EPB41L4A: variants seen among roughly 807,000 people sequenced by gnomAD.
The protein encoded by EPB41L4A is erythrocyte membrane protein band 4.1 like 4A.
Under a neutral mutation model 108.6 loss-of-function variants are expected in EPB41L4A, and 100 were observed. The observed-to-expected ratio is 0.92, with a 90% confidence interval of 0.78 to 1.09. The LOEUF (loss-of-function observed/expected upper bound fraction) is 1.09. Ranked by LOEUF, EPB41L4A falls within the 50% of genes least tolerant of loss-of-function variation. EPB41L4A has a pLI of 0.00. For synonymous variants in EPB41L4A, 319 were observed against 289.0 expected (o/e 1.10, Z -1.05); for missense variants, 1,030 against 842.7 (o/e 1.22, Z -2.75).
intron 12 of EPB41L4A, among the ~76,000 whole-genome samples, chr5:112,231,790 T>TC (rs1748961999): frequency 4.1e-5 from 1 of 24,110 alleles, no homozygotes; most frequent in Non-Finnish European, 8.4e-5. Context: ...AGACTCCGTC[T>TC]CAAAAAAAAA....
intron 1 of EPB41L4A, among the ~76,000 whole-genome samples, chr5:112,384,963 G>A (rs1424668130): frequency 6.6e-6 from 1 of 152,202 alleles, no homozygotes; most frequent in African/African-American, 2.4e-5. Flanking sequence ...CCTGATCACT[G>A]CACAAGCAAT....
chr5:112,401,237 T>C (rs936816309), intron 1 of EPB41L4A, among the ~76,000 whole-genome samples: 4 of 152,146 alleles, frequency 2.6e-5, no homozygotes, highest in African/African-American at 9.7e-5. Context: ...CCACAGACAC[T>C]ACCTCCAGGC....
At chr5:112,205,886 A>G (rs530316473) in intron 13 of EPB41L4A, 1 of 193,878 alleles carries the variant, frequency 5.2e-6, no homozygotes, top group East Asian at 1.7e-4. Context: ...CCTTTTTACA[A>G]CAGTGATCAG....
chr5:112,333,618 C>T (rs958332079), intron 1 of EPB41L4A, among the ~76,000 whole-genome samples: 3 of 152,110 alleles, frequency 2.0e-5, no homozygotes, highest in Non-Finnish European at 2.9e-5. Context: ...CTGTTTTCTC[C>T]CCCACTCTCT....
chr5:112,326,160 T>A (rs534931131), intron 1 of EPB41L4A, among the ~76,000 whole-genome samples: 43 of 151,972 alleles, frequency 2.8e-4, no homozygotes, highest in South Asian at 1.9e-3. Flanking sequence ...TTAAAAAAAA[T>A]TTTTTTTAAA....
At position 112,239,638 on chromosome 5, in the gene EPB41L4A, C is replaced by T. The variant is rs577886323; in HGVS notation, c.965+22G>A. The T allele has an allele frequency of 3.0e-5, 45 of 1,520,616 alleles. No homozygotes were observed. In the South Asian group the frequency reaches 5.1e-4, roughly 17 times the overall value. 94.2% of individuals were successfully genotyped at this position (1,520,616 alleles called of 1,614,324 possible). On this transcript the variant is annotated intron_variant, in intron 11 of 22. Transcript: ENST00000261486. ...GTATTTATTTACAAACACATCCCCCCAAGGAAAAAAATGTCATTTACCTGT... is the reference window on the plus strand; with the variant it reads ...GTATTTATTTACAAACACATCCCCCTAAGGAAAAAAATGTCATTTACCTGT...
At chr5:112,278,162 C>G (rs974339015) in intron 3 of EPB41L4A, among the ~76,000 whole-genome samples, 6 of 152,092 alleles carry the variant, frequency 3.9e-5, no homozygotes, top group Admixed American at 2.0e-4. Flanking sequence ...CCTTCACTAT[C>G]AAATAATTTC....
chr5:112,417,688 G>C (rs1037959914), intron 1 of EPB41L4A, among the ~76,000 whole-genome samples: 1 of 152,174 alleles, frequency 6.6e-6, no homozygotes, highest in Non-Finnish European at 1.5e-5. Flanking sequence ...AATACCGAAT[G>C]AGAATCGAAC....
chr5:112,231,750 AGT>A, intron 12 of EPB41L4A, among the ~76,000 whole-genome samples: 1 of 129,632 alleles, frequency 7.7e-6, no homozygotes, highest in African/African-American at 2.8e-5. Context: ...GCGCCACTGC[AGT>A]CCGCAGTCCG....
intron 12 of EPB41L4A, among the ~76,000 whole-genome samples, chr5:112,152,221 A>G (rs1034600982): frequency 6.6e-6 from 1 of 152,216 alleles, no homozygotes; most frequent in Non-Finnish European, 1.5e-5. Flanking sequence ...GAAGAAAGAG[A>G]GATGAAATGG....
At chr5:112,407,276 C>T (rs138763486) in intron 1 of EPB41L4A, among the ~76,000 whole-genome samples, 72 of 152,250 alleles carry the variant, frequency 4.7e-4, no homozygotes, top group African/African-American at 1.7e-3. Context: ...CCAGAAAAGA[C>T]TGTAAAGCTT....
intron 1 of EPB41L4A, among the ~76,000 whole-genome samples, chr5:112,380,806 C>G (rs1760127609): frequency 1.3e-5 from 2 of 151,542 alleles, no homozygotes; most frequent in South Asian, 4.2e-4. Flanking sequence ...CACACACACA[C>G]ACACACACAC....
chr5:112,155,129 T>A (rs187356799), intron 12 of EPB41L4A, among the ~76,000 whole-genome samples: 33 of 152,210 alleles, frequency 2.2e-4, no homozygotes, highest in Admixed American at 3.3e-4. Context: ...AGAAAAAGAA[T>A]GCTGACATTA....
intron 1 of EPB41L4A, among the ~76,000 whole-genome samples, chr5:112,393,102 C>G (rs28836584): frequency 0.14 from 21,409 of 152,018 alleles, 4,223 homozygotes; most frequent in African/African-American, 0.44. Context: ...TGTGTAGAGG[C>G]AATGTTATAG....
chr5:112,322,163 T>C (rs1177877966), intron 1 of EPB41L4A, among the ~76,000 whole-genome samples: 1 of 152,206 alleles, frequency 6.6e-6, no homozygotes, highest in East Asian at 1.9e-4. Flanking sequence ...GCAGGCACTG[T>C]TATAATAGCA....
chr5:112,385,699 A>G (rs1760475538), intron 1 of EPB41L4A, among the ~76,000 whole-genome samples: 1 of 152,176 alleles, frequency 6.6e-6, no homozygotes, highest in Non-Finnish European at 1.5e-5. Context: ...AATAGACCAA[A>G]GGACACAAAA....
rs1759989183 is a variant in EPB41L4A, at chr5:112,162,790, C to A, written c.*2200G>T. 6.6e-6 allele frequency: 1 copy of A among 152,102 alleles called. No individual in the cohort carries two copies. The highest frequency in any genetic ancestry group is 1.5e-5 in the Non-Finnish European group (1 of 68,022). The allele number at this position is 152,102 out of a possible 1,614,324, so 9.4% of individuals were successfully genotyped here. ...CCGTGATAGGATTTTCTTAGGGAAA[C>A]CTGAGAAAGAGTTGAGACTAAAGGT... On this transcript the variant is annotated 3_prime_UTR_variant, in exon 23 of 23. Coordinates refer to ENST00000261486, the MANE Select transcript of EPB41L4A (RefSeq NM_022140.5).
At chr5:112,351,719 G>A (rs2150733044) in intron 1 of EPB41L4A, among the ~76,000 whole-genome samples, 1 of 152,242 alleles carries the variant, frequency 6.6e-6, no homozygotes, top group South Asian at 2.1e-4. Context: ...CTATATCCCT[G>A]ATGAACATAG....
At chr5:112,403,340 A>C (rs1470097269) in intron 1 of EPB41L4A, among the ~76,000 whole-genome samples, 1 of 150,670 alleles carries the variant, frequency 6.6e-6, no homozygotes, top group Non-Finnish European at 1.5e-5. Flanking sequence ...TCCTCAGCAA[A>C]AAAAAAAAAA....
Sources: allele counts gnomAD v4.1 joint callset (sites outside exome capture counted in the v4.1 genomes callset), GRCh38; gene constraint gnomAD v4.1.1; transcripts MANE v1.5; gene names NCBI Gene and HGNC (gene_info 2026-07-23, HGNC 2026-07-21).